RTN3: variants seen among roughly 807,000 people sequenced by gnomAD.
RTN3 encodes the protein reticulon-3.
A neutral mutation model predicts 77.8 loss-of-function variants in RTN3; 49 were observed. That is an observed-to-expected ratio of 0.63 (90% CI 0.50 to 0.80). RTN3 has a LOEUF of 0.80. Among genes scored for constraint, RTN3 ranks in the 30% least tolerant of loss-of-function variants. RTN3 has a pLI of 0.00. For missense variants in RTN3, 1,236 were observed against 1,211.9 expected, an observed-to-expected ratio of 1.02 and a Z score of -0.29; for synonymous variants, 464 against 446.9, an observed-to-expected ratio of 1.04 and a Z score of -0.48.
At chr11:63,743,117 T>G (rs1473058496) in intron 3 of RTN3, among the ~76,000 whole-genome samples, 1 of 152,136 alleles carries the variant, frequency 6.6e-6, no homozygotes, top group African/African-American at 2.4e-5. Context: ...ACCAGGCTGG[T>G]CTCAAACTCC....
At chr11:63,691,002 T>A (rs1002676171) in intron 1 of RTN3, among the ~76,000 whole-genome samples, 1 of 152,048 alleles carries the variant, frequency 6.6e-6, no homozygotes, top group Non-Finnish European at 1.5e-5. Context: ...AGAAACCCCA[T>A]ATCTGTTAGC....
intron 3 of RTN3, among the ~76,000 whole-genome samples, chr11:63,724,214 G>T (rs1383172995): frequency 6.1e-5 from 7 of 114,032 alleles, no homozygotes; most frequent in South Asian, 2.8e-4. Context: ...ACAGAGTCTC[G>T]CTCTGTCGCC....
intron 3 of RTN3, among the ~76,000 whole-genome samples, chr11:63,745,390 T>C (rs755582810): frequency 2.0e-5 from 3 of 152,188 alleles, no homozygotes; most frequent in Non-Finnish European, 4.4e-5. Flanking sequence ...GTAGGTGCTC[T>C]GAAGAAAAAT....
intron 3 of RTN3, among the ~76,000 whole-genome samples, chr11:63,722,035 A>ATTTGAGAAATAT (rs2011855059): frequency 6.6e-6 from 1 of 152,108 alleles, no homozygotes; most frequent in East Asian, 1.9e-4. Context: ...TCAAATGATC[A>ATTTGAGAAATAT]CTTTTCTAGC....
At chr11:63,754,300 T>G (rs1398264411) in intron 7 of RTN3, among the ~76,000 whole-genome samples, 1 of 152,098 alleles carries the variant, frequency 6.6e-6, no homozygotes, top group Non-Finnish European at 1.5e-5. Flanking sequence ...ATGCCTATAA[T>G]CCTAACACTT....
At chr11:63,752,927 T>C in intron 5 of RTN3, 142 bp from the exon 6 acceptor site, 2 of 877,432 alleles carry the variant, frequency 2.3e-6, no homozygotes, top group Middle Eastern at 5.5e-4. Context: ...ATAACACAAG[T>C]AGGGAACCTT....
chr11:63,702,954 G>A (rs543016520), intron 1 of RTN3, among the ~76,000 whole-genome samples: 22 of 152,048 alleles, frequency 1.4e-4, no homozygotes, highest in African/African-American at 5.3e-4. Context: ...CAAAGTGCTG[G>A]GATTACAGGT....
intron 3 of RTN3, among the ~76,000 whole-genome samples, chr11:63,743,423 A>G (rs1452589263): frequency 2.6e-5 from 4 of 152,130 alleles, no homozygotes; most frequent in Non-Finnish European, 5.9e-5. Context: ...TCTGTATCAT[A>G]TGGTTTTTCT....
At position 63,719,230 on chromosome 11, in the gene RTN3, C is replaced by T. The variant is rs745310890; in HGVS notation, c.728C>T (p.Ser243Phe). 8 of 1,614,070 alleles carry T rather than the reference C, an allele frequency of 5.0e-6. No homozygotes were observed. In the East Asian group the frequency reaches 1.8e-4, roughly 36 times the overall value. The change falls in exon 3 of 9, where the codon TCC (serine) becomes TTC (phenylalanine). Residue 243 changes from serine (S) to phenylalanine (F), a missense_variant. This residue lies in a region of RTN3 where 1,056 missense variants were observed against 990.4 expected (regional missense o/e 1.07). Coordinates refer to ENST00000377819, the MANE Select transcript of RTN3 (RefSeq NM_001265589.2). ...GGAGATGATGTTATTGAAAAGGATT[C>T]CCCTGAATCACCATTTGAAGTAATT... Reference protein sequence around the residue: ...VSGDDVIEKDSPESPFEVIID... With the variant: ...VSGDDVIEKDFPESPFEVIID...
Position 63,720,688 on chromosome 11 carries a change from A to C in RTN3, c.2186A>C (p.Gln729Pro). Residue 729 changes from glutamine to proline, a missense_variant, in exon 3 of 9, where the codon CAA (glutamine) becomes CCA (proline). Physicochemically the swap from Gln to Pro is moderately conservative, Grantham distance 76 (BLOSUM62 -1). Coordinates refer to ENST00000377819, the MANE Select transcript of RTN3 (RefSeq NM_001265589.2). ...GAGCCTCTAGGTGTTTTCCCTACCC[A>C]AGGTACTCCAGTAGCATCTCTTGAC... Reference protein sequence around the residue: ...GSEPLGVFPTQGTPVASLDLE... With the variant: ...GSEPLGVFPTPGTPVASLDLE... 6.2e-7 allele frequency: 1 copy of C among 1,614,186 alleles called. No individual in the cohort carries two copies. The highest frequency in any genetic ancestry group is 8.5e-7 in the Non-Finnish European group (1 of 1,180,018).
intron 1 of RTN3, among the ~76,000 whole-genome samples, chr11:63,704,392 C>G (rs1942394316): frequency 6.6e-6 from 1 of 152,132 alleles, no homozygotes; most frequent in African/African-American, 2.4e-5. Flanking sequence ...TATTTAGGGT[C>G]AACTTTGCAT....
At chr11:63,736,054 G>A (rs1356852508) in intron 3 of RTN3, among the ~76,000 whole-genome samples, 5 of 152,186 alleles carry the variant, frequency 3.3e-5, no homozygotes, top group Non-Finnish European at 7.3e-5. Flanking sequence ...GCATGGGCTA[G>A]CTGATCCTCC....
chr11:63,720,742 C>A lies in RTN3; in HGVS notation c.2240C>A (p.Ala747Asp). ...GAACAAGAACAGCTCACAATTAAGG[C>A]TCTTAAAGAATTAGGTGAAAGACAG... Reference protein sequence around the residue: ...DLEQEQLTIKALKELGERQVE... With the variant: ...DLEQEQLTIKDLKELGERQVE... The change falls in exon 3 of 9, where the codon GCT becomes GAT. Residue 747 changes from alanine (A) to aspartate (D), a missense_variant. Physicochemically the swap from Ala to Asp is moderately radical, Grantham distance 126 (BLOSUM62 -2). Around this residue, in one of 3 missense-constraint regions of RTN3, gnomAD observed 1,056 missense variants for 990.4 expected, o/e 1.07. Coordinates refer to ENST00000377819, the MANE Select transcript of RTN3 (RefSeq NM_001265589.2). The A allele has an allele frequency of 6.2e-7, 1 of 1,614,156 alleles. No homozygotes were observed. The highest frequency in any genetic ancestry group is 8.5e-7 in the Non-Finnish European group (1 of 1,180,032).
At chr11:63,692,889 AT>A (rs1203955753) in intron 1 of RTN3, among the ~76,000 whole-genome samples, 10 of 152,224 alleles carry the variant, frequency 6.6e-5, no homozygotes, top group African/African-American at 2.4e-4. Flanking sequence ...ACTTGACCAA[AT>A]TTGTCACAAT....
chr11:63,686,453 AGAGCGAGACT>A lies in RTN3; in HGVS notation c.142+4676_142+4685del, dbSNP rs11278396. ...ACCACTGCACTCCGGCCTGGGGGACAGAGCGAGACTCCGTCTCAAAAAAAAAAAAAAAAAA... is the reference window on the plus strand; with the variant it reads ...ACCACTGCACTCCGGCCTGGGGGACACCGTCTCAAAAAAAAAAAAAAAAAA... On this transcript the variant is annotated intron_variant, in intron 1 of 8. Transcript: ENST00000377819. Among the ~76,000 whole-genome samples, 1,314 of 144,368 alleles carry A rather than the reference AGAGCGAGACT, an allele frequency of 9.1e-3. 14 individuals are homozygous for A. Among genetic ancestry groups the A allele is most frequent in the African/African-American group, 0.032 (1,231 of 38,806 alleles). 94.7% of individuals were successfully genotyped at this position (144,368 alleles called of 152,430 possible).
chr11:63,716,460 C>A (rs1470555046), intron 2 of RTN3, among the ~76,000 whole-genome samples: 2 of 152,228 alleles, frequency 1.3e-5, no homozygotes, highest in Non-Finnish European at 2.9e-5. Context: ...CAAGCTGAAT[C>A]TTTGATTCAC....
rs568375315 is a variant in RTN3 at position 63,695,503 on chromosome 11, G to C, written c.143-9348G>C. Among the ~76,000 whole-genome samples the C allele has an allele frequency of 2.2e-3, 331 of 152,308 alleles. 2 individuals carry two copies. The highest frequency in any genetic ancestry group is 7.7e-3 in the African/African-American group (322 of 41,570). Reference sequence around the variant, plus strand: ...ACAGAGTACAGTGTGGAAGGGTGGGGAGAAGTACTGCTTCCTCCAACCAGG... The same window carrying C: ...ACAGAGTACAGTGTGGAAGGGTGGGCAGAAGTACTGCTTCCTCCAACCAGG... On this transcript the variant is annotated intron_variant, in intron 1 of 8. Transcript: ENST00000377819.
intron 3 of RTN3, among the ~76,000 whole-genome samples, chr11:63,739,435 C>T (rs1026746647): frequency 2.6e-5 from 4 of 152,200 alleles, no homozygotes; most frequent in Non-Finnish European, 4.4e-5. Context: ...TTCATTCTTT[C>T]TCTATAAGGT....
intron 1 of RTN3, among the ~76,000 whole-genome samples, chr11:63,691,752 A>T (rs1231765368): frequency 2.0e-5 from 3 of 152,210 alleles, no homozygotes; most frequent in African/African-American, 7.2e-5. Flanking sequence ...CAATTCTGTC[A>T]ATCTCCATTG....
Sources: allele counts gnomAD v4.1 joint callset (sites outside exome capture counted in the v4.1 genomes callset), GRCh38; gene constraint gnomAD v4.1.1; regional missense constraint gnomAD v4.1.1; transcripts MANE v1.5; gene names NCBI Gene and HGNC (gene_info 2026-07-23, HGNC 2026-07-21).